DNAH6: variants seen among roughly 807,000 people sequenced by gnomAD.
DNAH6 encodes dynein axonemal heavy chain 6.
DNAH6 carries 340 observed loss-of-function variants against 491.4 expected under a neutral mutation model. That is an observed-to-expected ratio of 0.69 (90% CI 0.63 to 0.76). The LOEUF (loss-of-function observed/expected upper bound fraction) is 0.76, where lower values mean the gene tolerates loss of function less well. Among genes scored for constraint, DNAH6 ranks in the 30% least tolerant of loss-of-function variants. The pLI is 0.00. For missense variants in DNAH6, 4,443 were observed against 4,972.2 expected (o/e 0.89, Z 3.20); for synonymous variants, 1,603 against 1,686.1 (o/e 0.95, Z 1.21).
intron 20 of DNAH6, among the ~76,000 whole-genome samples, chr2:84,606,111 G>A (rs1200189619): frequency 6.6e-6 from 1 of 152,194 alleles, no homozygotes; most frequent in Non-Finnish European, 1.5e-5. Flanking sequence ...TCTAATTCAT[G>A]TGTTTGGAAT....
At chr2:84,691,581 G>C (rs1457430953) in intron 45 of DNAH6, among the ~76,000 whole-genome samples, 1 of 152,160 alleles carries the variant, frequency 6.6e-6, no homozygotes, top group Non-Finnish European at 1.5e-5. Flanking sequence ...AAACTACTTT[G>C]GTAAAGAGCC....
At chr2:84,579,284 T>C (rs1682780612) in intron 13 of DNAH6, among the ~76,000 whole-genome samples, 1 of 152,208 alleles carries the variant, frequency 6.6e-6, no homozygotes, top group South Asian at 2.1e-4. Flanking sequence ...GCAGAAAGCA[T>C]ACTTGCAAAA....
At chr2:84,564,805 G>C (rs548905089) in intron 11 of DNAH6, among the ~76,000 whole-genome samples, 1 of 152,260 alleles carries the variant, frequency 6.6e-6, no homozygotes, top group East Asian at 1.9e-4. Flanking sequence ...TGCCCATGCA[G>C]TATGATGTTG....
At chr2:84,771,530 T>C (rs1049829084) in intron 64 of DNAH6, among the ~76,000 whole-genome samples, 9 of 152,086 alleles carry the variant, frequency 5.9e-5, no homozygotes, top group Admixed American at 5.9e-4. Flanking sequence ...CATGCTATAA[T>C]CAAACTATCA....
the DNAH6 span, among the ~76,000 whole-genome samples, chr2:84,510,647 G>T: frequency 3.7e-4 from 57 of 152,096 alleles, no homozygotes; most frequent in Admixed American, 2.0e-4. Flanking sequence ...GAGGAGAGGC[G>T]CTCTGATTTT....
In DNAH6 at chr2:84,692,417, GTAGATAGATAGATAGATAGATAGATAGA is replaced by G. The variant is rs3029918; in HGVS notation, c.7293-1793_7293-1766del. ...TTCAATTATCAACAATATAAATAAGGTAGATAGATAGATAGATAGATAGATAGATAGATAGATAGATAGATAGATAGAT... is the reference window on the plus strand; with the variant it reads ...TTCAATTATCAACAATATAAATAAGGTAGATAGATAGATAGATAGATAGAT... On this transcript the variant is annotated intron_variant, in intron 45 of 76. Transcript: ENST00000389394. 5.9e-3 allele frequency among the ~76,000 whole-genome samples: 857 copies of G among 144,966 alleles called. 9 individuals carry two copies. The highest frequency in any genetic ancestry group is 0.02 in the African/African-American group (790 of 39,002).
At chr2:84,647,921 T>C (rs768100453) in intron 33 of DNAH6, among the ~76,000 whole-genome samples, 33 of 152,348 alleles carry the variant, frequency 2.2e-4, no homozygotes, top group Non-Finnish European at 3.2e-4. Context: ...GATGTTAACA[T>C]TGTTTTTTTA....
At chr2:84,520,057 G>T (rs1675998521) in intron 2 of DNAH6, among the ~76,000 whole-genome samples, 1 of 151,770 alleles carries the variant, frequency 6.6e-6, no homozygotes, top group African/African-American at 2.4e-5. Flanking sequence ...AAGTTGTTTT[G>T]CCAGTATTTC....
intron 64 of DNAH6, among the ~76,000 whole-genome samples, chr2:84,767,142 C>T (rs1675151337): frequency 6.6e-6 from 1 of 152,066 alleles, no homozygotes; most frequent in Non-Finnish European, 1.5e-5. Context: ...GGATATACGA[C>T]ATTAATTTTA....
intron 22 of DNAH6, among the ~76,000 whole-genome samples, chr2:84,612,965 C>T (rs1338937628): frequency 6.6e-6 from 1 of 151,892 alleles, no homozygotes; most frequent in Non-Finnish European, 1.5e-5. Context: ...AGAGTGCTGT[C>T]CCAGTCCCTA....
chr2:84,475,637 C>G, the DNAH6 span, among the ~76,000 whole-genome samples: 1 of 152,200 alleles, frequency 6.6e-6, no homozygotes, highest in African/African-American at 2.4e-5. Flanking sequence ...CCAATGCCAT[C>G]ACAAGCCTTA....
rs1201955247 is a variant in DNAH6 at position 84,707,652 on chromosome 2, A to G, written c.8984A>G (p.Asn2995Ser). Residue 2995 changes from asparagine to serine, a missense_variant, in exon 54 of 77, where the codon AAC becomes AGC. Around this residue, in one of 3 missense-constraint regions of DNAH6, gnomAD observed 1,463 missense variants for 1,656.6 expected, o/e 0.88. Transcript: ENST00000389394. The part of the protein sequence containing the change: ...FEEEISNITG[N>S]VFIAAACVAY... ...GAAGAAATATCAAATATCACTGGGA[A>G]CGTGTTCATAGCAGCAGCTTGTGTG... 1.3e-6 allele frequency: 2 copies of G among 1,552,236 alleles called. No homozygotes were observed. Among genetic ancestry groups the G allele is most frequent in the Non-Finnish European group, 1.7e-6 (2 of 1,147,136 alleles).
chr2:84,781,219 C>G (rs890595713), intron 64 of DNAH6, among the ~76,000 whole-genome samples: 3 of 152,142 alleles, frequency 2.0e-5, no homozygotes, highest in African/African-American at 7.2e-5. Flanking sequence ...AGAAATGTCT[C>G]TAGTGTATCA....
intron 28 of DNAH6, 123 bp downstream of exon 28, chr2:84,624,743 A>G: frequency 7.8e-7 from 1 of 1,283,678 alleles, no homozygotes; most frequent in Non-Finnish European, 1.1e-6. Flanking sequence ...TTGTAAAGCA[A>G]ATATTTGCAT....
At chr2:84,513,203 C>T (rs1471798133), upstream of DNAH6, among the ~76,000 whole-genome samples, 2 of 151,548 alleles carry the variant, frequency 1.3e-5, no homozygotes, top group African/African-American at 4.8e-5. Context: ...GTAAGTGGAC[C>T]ATACTTTCTT....
intron 15 of DNAH6, among the ~76,000 whole-genome samples, chr2:84,585,259 T>C (rs563225985): frequency 9.2e-5 from 14 of 152,318 alleles, no homozygotes; most frequent in African/African-American, 3.4e-4. Context: ...CAATAAAGCA[T>C]TATGATACCC....
At position 84,528,896 on chromosome 2, in the gene DNAH6, T is replaced by G; in HGVS notation, c.400-8T>G. ...CATTTTTTTTTTTCAAAAATTGGCT[T>G]TGTTTAGATTCATCGGCCCTATGTT... is the stretch of plus-strand genomic sequence containing the variant. On this transcript the variant is annotated splice_polypyrimidine_tract_variant and splice_region_variant and intron_variant, in intron 3 of 76. Coordinates refer to ENST00000389394, the MANE Select transcript of DNAH6 (RefSeq NM_001370.2). 1 of 1,517,486 alleles carries G rather than the reference T, an allele frequency of 6.6e-7. No individual in the cohort carries two copies. Among genetic ancestry groups the G allele is most frequent in the Non-Finnish European group, 8.8e-7 (1 of 1,132,136 alleles). 94.0% of individuals were successfully genotyped at this position (1,517,486 alleles called of 1,614,324 possible).
At chr2:84,788,644 A>G (rs1677450066) in intron 68 of DNAH6, among the ~76,000 whole-genome samples, 1 of 152,230 alleles carries the variant, frequency 6.6e-6, no homozygotes, top group African/African-American at 2.4e-5. Flanking sequence ...AGTGGTGACC[A>G]TAGCTTTATC....
rs1422510312 is a variant in DNAH6, at chr2:84,653,902, AATC to A, written c.5634+31_5634+33del. On this transcript the variant is annotated intron_variant, in intron 34 of 76. Coordinates refer to ENST00000389394, the MANE Select transcript of DNAH6 (RefSeq NM_001370.2). ...AAGTGTACACATTACTGTGGAGTGA[AATC>A]ATTCATTAAATTGGCATACTATCGT... 2.7e-6 allele frequency: 4 copies of A among 1,496,242 alleles called. No individual in the cohort carries two copies. In the African/African-American group the frequency reaches 5.6e-5, roughly 21 times the overall value. 92.7% of individuals were successfully genotyped at this position (1,496,242 alleles called of 1,614,324 possible). A position where few individuals can be genotyped will look rare whatever the true frequency, so the allele number is the denominator to read the frequency against.
Sources: allele counts gnomAD v4.1 joint callset (sites outside exome capture counted in the v4.1 genomes callset), GRCh38; gene constraint gnomAD v4.1.1; regional missense constraint gnomAD v4.1.1; transcripts MANE v1.5; gene names NCBI Gene and HGNC (gene_info 2026-07-23, HGNC 2026-07-21).